Variants in VWC2L observed in about 807,000 individuals in gnomAD.
The protein encoded by VWC2L is von Willebrand factor C domain containing 2 like.
In VWC2L, 10 loss-of-function variants were observed where a neutral mutation model predicts 21.6. The ratio of observed to expected loss-of-function variants is 0.46; its 90% CI spans 0.29 to 0.78. The LOEUF is 0.78. VWC2L is among the 30% of genes least tolerant of loss of function. The probability of loss-of-function intolerance (pLI) is 0.10; values close to 1 mark genes in which losing one functional copy is unlikely to be tolerated. For missense variants in VWC2L, 209 were observed against 277.1 expected, an observed-to-expected ratio of 0.75 and a Z score of 1.74; for synonymous variants, 96 against 94.3, an observed-to-expected ratio of 1.02 and a Z score of -0.10.
At chr2:214,421,360 A>G (rs1242985266) in intron 2 of VWC2L, among the ~76,000 whole-genome samples, 2 of 152,208 alleles carry the variant, frequency 1.3e-5, no homozygotes, top group Non-Finnish European at 2.9e-5. Context: ...GACAGTCAGA[A>G]CTACAGTCTC....
chr2:214,557,753 AC>A (rs1689896105), intron 3 of VWC2L, among the ~76,000 whole-genome samples: 1 of 152,106 alleles, frequency 6.6e-6, no homozygotes, highest in Non-Finnish European at 1.5e-5. Flanking sequence ...AGTGCCTATT[AC>A]TATAGAAGAG....
intron 3 of VWC2L, among the ~76,000 whole-genome samples, chr2:214,520,402 C>A (rs1689218077): frequency 1.3e-5 from 2 of 151,946 alleles, no homozygotes; most frequent in Admixed American, 6.6e-5. Context: ...ACTTATGAAG[C>A]AGTTTCATTA....
At chr2:214,488,694 A>T (rs1272065767) in intron 3 of VWC2L, among the ~76,000 whole-genome samples, 1 of 152,220 alleles carries the variant, frequency 6.6e-6, no homozygotes, top group African/African-American at 2.4e-5. Flanking sequence ...TTTAGAAAGA[A>T]AAAAGGTTTA....
At chr2:214,491,594 G>A (rs576602705) in intron 3 of VWC2L, among the ~76,000 whole-genome samples, 4 of 152,242 alleles carry the variant, frequency 2.6e-5, no homozygotes, top group Admixed American at 1.3e-4. Context: ...CTCAACTCCC[G>A]TATTAGGGAG....
chr2:214,488,731 G>A (rs1350621574), intron 3 of VWC2L, among the ~76,000 whole-genome samples: 1 of 152,192 alleles, frequency 6.6e-6, no homozygotes, highest in African/African-American at 2.4e-5. Flanking sequence ...GCTGCCTGGA[G>A]GACTGGGCAT....
At chr2:214,501,973 G>T (rs1344604263) in intron 3 of VWC2L, among the ~76,000 whole-genome samples, 1 of 151,842 alleles carries the variant, frequency 6.6e-6, no homozygotes, top group Non-Finnish European at 1.5e-5. Context: ...CCACCTGAGT[G>T]GCTACCAGCA....
intron 3 of VWC2L, among the ~76,000 whole-genome samples, chr2:214,456,837 C>A (rs1255079168): frequency 6.6e-6 from 1 of 152,100 alleles, no homozygotes; most frequent in Non-Finnish European, 1.5e-5. Flanking sequence ...TGTTTTCTCC[C>A]CCCACTATGT....
chr2:214,456,204 AT>A (rs947242502), intron 3 of VWC2L, among the ~76,000 whole-genome samples: 1 of 115,720 alleles, frequency 8.6e-6, no homozygotes, highest in South Asian at 2.7e-4. Flanking sequence ...AGCATCTGTT[AT>A]TTTTTTGTCT....
chr2:214,510,518 C>G (rs1689036549), intron 3 of VWC2L, among the ~76,000 whole-genome samples: 1 of 152,128 alleles, frequency 6.6e-6, no homozygotes, highest in Admixed American at 6.6e-5. Context: ...TTTTCTTCTT[C>G]CCTATTTAAA....
intron 3 of VWC2L, among the ~76,000 whole-genome samples, chr2:214,553,625 A>C (rs1689830553): frequency 6.6e-6 from 1 of 152,056 alleles, no homozygotes; most frequent in South Asian, 2.1e-4. Context: ...TTTTTGTTTT[A>C]TTTTGATCAG....
chr2:214,471,550 G>T (rs1246128330), intron 3 of VWC2L, among the ~76,000 whole-genome samples: 5 of 152,176 alleles, frequency 3.3e-5, no homozygotes, highest in African/African-American at 1.2e-4. Context: ...TGGAGACTTA[G>T]AAACTTACCT....
chr2:214,419,521 C>T (rs139722435), intron 2 of VWC2L, among the ~76,000 whole-genome samples: 309 of 152,264 alleles, frequency 2.0e-3, no homozygotes, highest in Middle Eastern at 3.4e-3. Flanking sequence ...GAAGGTTATA[C>T]TACATGTAGC....
rs372146789 is a variant in VWC2L, at chr2:214,467,719, T to C, written c.520+30961T>C. Among the ~76,000 whole-genome samples, 40 of 152,340 alleles carry C rather than the reference T, an allele frequency of 2.6e-4. No homozygotes were observed. The South Asian group carries it at 8.3e-3, about 32-fold the overall frequency. On this transcript the variant is annotated intron_variant, in intron 3 of 3. Coordinates refer to ENST00000312504, the MANE Select transcript of VWC2L (RefSeq NM_001080500.4). ...CAATACAGCAATGTTGATCAATTCA[T>C]AGCTAACCAAATTAAAACGTAATAT...
At chr2:214,575,465 A>G (rs1690215122) in intron 3 of VWC2L, among the ~76,000 whole-genome samples, 1 of 152,178 alleles carries the variant, frequency 6.6e-6, no homozygotes, top group South Asian at 2.1e-4. Context: ...TTAAGTTCAC[A>G]ATATACACGG....
chr2:214,418,509 A>T (rs190572746), intron 2 of VWC2L, among the ~76,000 whole-genome samples: 2 of 152,290 alleles, frequency 1.3e-5, no homozygotes, highest in African/African-American at 4.8e-5. Context: ...ATATTAAATC[A>T]TGTAAAATAT....
chr2:214,421,206 T>A (rs1190895628), intron 2 of VWC2L, among the ~76,000 whole-genome samples: 4 of 152,156 alleles, frequency 2.6e-5, no homozygotes, highest in Non-Finnish European at 5.9e-5. Context: ...TAGGAAAAAA[T>A]CTACTTTTAA....
At chr2:214,442,654 T>C (rs979652386) in intron 3 of VWC2L, among the ~76,000 whole-genome samples, 1 of 152,078 alleles carries the variant, frequency 6.6e-6, no homozygotes, top group East Asian at 1.9e-4. Context: ...TCTATATTTA[T>C]AATTTAAAAT....
Position 214,414,322 on chromosome 2 carries a change from G to A in VWC2L, c.129G>A (p.Leu43=), listed in dbSNP as rs1285566944. The change falls in exon 2 of 4, where the codon CTG becomes CTA. Residue 43 remains leucine, a synonymous_variant. Transcript: ENST00000312504. ...EGDQISSNDN[L]IFDDYRGKGC... ...ACCAGATCTCCAGTAATGACAATCT[G>A]ATCTTTGATGACTATCGAGGGAAAG... 4 of 1,613,724 alleles carry A rather than the reference G, an allele frequency of 2.5e-6. No homozygotes were observed. Among genetic ancestry groups the A allele is most frequent in the Non-Finnish European group, 3.4e-6 (4 of 1,179,848 alleles).
chr2:214,520,538 C>T (rs757183167), intron 3 of VWC2L, among the ~76,000 whole-genome samples: 4 of 152,028 alleles, frequency 2.6e-5, no homozygotes, highest in Non-Finnish European at 5.9e-5. Flanking sequence ...AGTAAAATTA[C>T]CAGGTCAAAA....
Sources: allele counts gnomAD v4.1 joint callset (sites outside exome capture counted in the v4.1 genomes callset), GRCh38; gene constraint gnomAD v4.1.1; transcripts MANE v1.5; gene names NCBI Gene and HGNC (gene_info 2026-07-23, HGNC 2026-07-21).